GSK3B: variants seen among roughly 807,000 people sequenced by gnomAD.
The protein encoded by GSK3B is glycogen synthase kinase 3 beta.
GSK3B carries 15 observed loss-of-function variants against 56.4 expected under a neutral mutation model. The observed-to-expected ratio is 0.27, with a 90% CI of 0.18 to 0.41. The LOEUF (loss-of-function observed/expected upper bound fraction) is 0.41. Ranked by LOEUF, GSK3B falls within the 10% of genes least tolerant of loss-of-function variation. The pLI, the probability that GSK3B is intolerant of heterozygous loss-of-function variation, is 1.00. For synonymous variants in GSK3B, 181 were observed against 188.9 expected, an observed-to-expected ratio of 0.96 and a Z score of 0.34; for missense variants, 300 against 513.4, an observed-to-expected ratio of 0.58 and a Z score of 4.02.
In GSK3B at chr3:120,008,559, T is replaced by C. The variant is rs567329236; in HGVS notation, c.89-6320A>G. Among the ~76,000 whole-genome samples, 3 of 152,004 alleles carry C rather than the reference T, an allele frequency of 2.0e-5. No homozygotes were observed. The East Asian group carries it at 5.8e-4, about 29-fold the overall frequency. ...GAGGCCTCAGAAATGCCACCACACA[T>C]CTACCACCATCTGATCTCTGACAAA... On this transcript the variant is annotated intron_variant, in intron 1 of 10. Coordinates refer to ENST00000264235, the MANE Select transcript of GSK3B (RefSeq NM_001146156.2).
intron 2 of GSK3B, among the ~76,000 whole-genome samples, chr3:119,960,400 A>G (rs2057260144): frequency 6.6e-6 from 1 of 152,080 alleles, no homozygotes; most frequent in Admixed American, 6.6e-5. Flanking sequence ...ACACAAACCT[A>G]TGCATGTAAT....
intron 2 of GSK3B, among the ~76,000 whole-genome samples, chr3:119,993,145 G>GA (rs57361961): frequency 0.27 from 35,071 of 130,972 alleles, 4,883 homozygotes; most frequent in African/African-American, 0.42. Flanking sequence ...GTGTAAGGAA[G>GA]AAAAAAAAAA....
chr3:119,940,167 T>G (rs1440238633), intron 3 of GSK3B, among the ~76,000 whole-genome samples: 1 of 151,470 alleles, frequency 6.6e-6, no homozygotes. Context: ...AGTATATATA[T>G]AAAAATATAT....
chr3:120,087,470 T>C (rs1361133921), intron 1 of GSK3B, among the ~76,000 whole-genome samples: 1 of 151,560 alleles, frequency 6.6e-6, no homozygotes, highest in Non-Finnish European at 1.5e-5. Context: ...TGGCAGAGGT[T>C]GCAGTAAGCC....
At chr3:120,014,250 T>C (rs922187228) in intron 1 of GSK3B, among the ~76,000 whole-genome samples, 2 of 151,894 alleles carry the variant, frequency 1.3e-5, no homozygotes, top group Non-Finnish European at 2.9e-5. Context: ...GCAGGCACCA[T>C]AGTGAAACTT....
chr3:120,052,680 A>G (rs981940298), intron 1 of GSK3B, among the ~76,000 whole-genome samples: 1 of 152,222 alleles, frequency 6.6e-6, no homozygotes, highest in Non-Finnish European at 1.5e-5. Context: ...AAAATTTGCA[A>G]TATGACTCTA....
chr3:120,077,911 G>A (rs947589007), intron 1 of GSK3B, among the ~76,000 whole-genome samples: 3 of 151,864 alleles, frequency 2.0e-5, no homozygotes, highest in Non-Finnish European at 4.4e-5. Flanking sequence ...GTAAGGCCCC[G>A]GAATAAATCA....
At chr3:119,964,641 T>TA (rs2057302985) in intron 2 of GSK3B, among the ~76,000 whole-genome samples, 1 of 152,150 alleles carries the variant, frequency 6.6e-6, no homozygotes, top group African/African-American at 2.4e-5. Context: ...GGTATAAAGT[T>TA]AGTTATACAA....
chr3:119,844,083 T>A (rs997072399), intron 9 of GSK3B, among the ~76,000 whole-genome samples: 7 of 152,032 alleles, frequency 4.6e-5, no homozygotes, highest in African/African-American at 1.7e-4. Context: ...ACTGGGTAAA[T>A]AACGAAATTA....
At chr3:120,021,255 C>T (rs541141719) in intron 1 of GSK3B, among the ~76,000 whole-genome samples, 2 of 151,558 alleles carry the variant, frequency 1.3e-5, no homozygotes, top group South Asian at 2.1e-4. Flanking sequence ...CCTGTAATCC[C>T]AGCACTTTGG....
chr3:120,039,689 G>T (rs2058050108), intron 1 of GSK3B, among the ~76,000 whole-genome samples: 1 of 152,218 alleles, frequency 6.6e-6, no homozygotes, highest in Admixed American at 6.5e-5. Context: ...GGTCTGCTTA[G>T]ATTGTGTAGT....
intron 7 of GSK3B, among the ~76,000 whole-genome samples, chr3:119,884,927 G>C (rs1454933210): frequency 1.3e-5 from 2 of 151,984 alleles, no homozygotes; most frequent in Non-Finnish European, 2.9e-5. Flanking sequence ...TTGAGAAGTG[G>C]AACAAGACAA....
At chr3:119,903,050 C>T (rs898220915) in intron 7 of GSK3B, among the ~76,000 whole-genome samples, 5 of 152,172 alleles carry the variant, frequency 3.3e-5, no homozygotes, top group African/African-American at 9.7e-5. Context: ...TAAACACACA[C>T]ACACAACACT....
At chr3:120,075,767 G>A (rs575992439) in intron 1 of GSK3B, among the ~76,000 whole-genome samples, 2 of 152,134 alleles carry the variant, frequency 1.3e-5, no homozygotes, top group South Asian at 4.2e-4. Context: ...CATGCTCATG[G>A]ATCAAAAGAA....
intron 3 of GSK3B, among the ~76,000 whole-genome samples, chr3:119,924,346 AGT>A (rs1273888097): frequency 7.2e-5 from 11 of 152,242 alleles, no homozygotes; most frequent in African/African-American, 2.7e-4. Context: ...TTGGCTACTG[AGT>A]GAGAAATACT....
intron 2 of GSK3B, among the ~76,000 whole-genome samples, chr3:120,000,488 T>C (rs1382935862): frequency 1.3e-5 from 2 of 152,218 alleles, no homozygotes; most frequent in African/African-American, 4.8e-5. Context: ...CACTAGAATG[T>C]GGTATAACTA....
intron 2 of GSK3B, among the ~76,000 whole-genome samples, chr3:119,951,428 G>A (rs1162300027): frequency 2.0e-5 from 3 of 152,120 alleles, no homozygotes; most frequent in Non-Finnish European, 2.9e-5. Flanking sequence ...AAAATTAGCC[G>A]GGCTTGGTGG....
chr3:119,976,046 A>G (rs62264740), intron 2 of GSK3B, among the ~76,000 whole-genome samples: 9,976 of 152,232 alleles, frequency 0.066, 465 homozygotes, highest in East Asian at 0.15. Flanking sequence ...GGATGGGTAT[A>G]ATAAAAAACT....
At chr3:119,845,313 C>A (rs921255344) in intron 9 of GSK3B, among the ~76,000 whole-genome samples, 1 of 152,112 alleles carries the variant, frequency 6.6e-6, no homozygotes, top group Non-Finnish European at 1.5e-5. Context: ...GAAGTTCTGG[C>A]CAGGGCAATC....
Sources: allele counts gnomAD v4.1 joint callset (sites outside exome capture counted in the v4.1 genomes callset), GRCh38; gene constraint gnomAD v4.1.1; transcripts MANE v1.5; gene names NCBI Gene and HGNC (gene_info 2026-07-23, HGNC 2026-07-21).